SYT10: variants seen among roughly 807,000 people sequenced by gnomAD.
SYT10 encodes synaptotagmin 10, also known as synaptotagmin-10.
In SYT10, 31 loss-of-function variants were observed where a neutral mutation model predicts 51.1. That is an observed-to-expected ratio of 0.61 (90% CI 0.46 to 0.82). The LOEUF is 0.82. Among genes scored for constraint, SYT10 ranks in the 40% least tolerant of loss-of-function variants. SYT10 has a pLI of 0.00. For missense variants in SYT10, 603 were observed against 634.0 expected (o/e 0.95, Z 0.53); for synonymous variants, 233 against 225.9 (o/e 1.03, Z -0.28).
chr12:33,425,036 A>C (rs1158412833), intron 2 of SYT10, among the ~76,000 whole-genome samples: 1 of 152,120 alleles, frequency 6.6e-6, no homozygotes, highest in Non-Finnish European at 1.5e-5. Context: ...TAAGAAGTGG[A>C]TTTATTTGTA....
intron 1 of SYT10, among the ~76,000 whole-genome samples, chr12:33,430,579 T>C (rs186533868): frequency 2.4e-3 from 372 of 152,320 alleles, no homozygotes; most frequent in Admixed American, 4.5e-3. Flanking sequence ...TATTCTCCTC[T>C]GTGTCTATCT....
chr12:33,422,853 T>G (rs1409729295), intron 2 of SYT10, among the ~76,000 whole-genome samples: 1 of 152,138 alleles, frequency 6.6e-6, no homozygotes, highest in Non-Finnish European at 1.5e-5. Flanking sequence ...TGGTATTACA[T>G]GTATTGTCTC....
intron 3 of SYT10, among the ~76,000 whole-genome samples, chr12:33,390,738 A>C (rs1259640688): frequency 6.6e-6 from 1 of 152,186 alleles, no homozygotes. Flanking sequence ...ATGTTTACTG[A>C]GTGCATAAAA....
intron 1 of SYT10, among the ~76,000 whole-genome samples, chr12:33,434,987 C>T (rs1160320564): frequency 6.6e-6 from 1 of 151,918 alleles, no homozygotes; most frequent in Non-Finnish European, 1.5e-5. Flanking sequence ...ATCACATGTT[C>T]AAAATAGAAA....
At chr12:33,389,133 G>A (rs1234755541) in intron 3 of SYT10, among the ~76,000 whole-genome samples, 1 of 152,164 alleles carries the variant, frequency 6.6e-6, no homozygotes, top group Non-Finnish European at 1.5e-5. Flanking sequence ...AAAATGGTCA[G>A]TACGCATTGA....
At chr12:33,405,988 A>G (rs982164861) in intron 3 of SYT10, 1 of 152,032 alleles carries the variant, frequency 6.6e-6, no homozygotes, top group African/African-American at 2.4e-5. Context: ...CACTAAAACA[A>G]ATATAGAATG....
chr12:33,418,840 C>T (rs1866476795), intron 2 of SYT10, among the ~76,000 whole-genome samples: 1 of 152,268 alleles, frequency 6.6e-6, no homozygotes, highest in African/African-American at 2.4e-5. Context: ...GTGCCTTCCT[C>T]AATGTCTATT....
chr12:33,378,927 G>A (rs1205991258), intron 6 of SYT10, among the ~76,000 whole-genome samples: 3 of 151,610 alleles, frequency 2.0e-5, no homozygotes, highest in Non-Finnish European at 4.4e-5. Flanking sequence ...AAGACTTGAC[G>A]CATTCACATA....
intron 2 of SYT10, chr12:33,407,648 C>G (rs1280720537): frequency 9.7e-6 from 3 of 310,038 alleles, no homozygotes; most frequent in African/African-American, 6.6e-5. Flanking sequence ...TTCTGTCACC[C>G]TAGCTGGAGT....
At chr12:33,415,114 T>C (rs1866441927) in intron 2 of SYT10, among the ~76,000 whole-genome samples, 2 of 152,274 alleles carry the variant, frequency 1.3e-5, no homozygotes, top group African/African-American at 2.4e-5. Flanking sequence ...TGGACTAGAG[T>C]CTGCTACAGT....
At position 33,417,797 on chromosome 12, in the gene SYT10, TGAGGGTGTACACAA is replaced by T. The variant is rs372015668; in HGVS notation, c.509+8327_509+8340del. 1.9e-3 allele frequency among the ~76,000 whole-genome samples: 286 copies of T among 152,250 alleles called. 2 individuals are homozygous for T. The highest frequency in any genetic ancestry group is 6.6e-3 in the African/African-American group (274 of 41,546). On this transcript the variant is annotated intron_variant, in intron 2 of 6. Transcript: ENST00000228567. ...CAAAAATAAAAAGCAACAAGAGAAT[TGAGGGTGTACACAA>T]GAGAGTGGCTCTGATTGACCATGGA...
chr12:33,394,954 G>A (rs1346154351), intron 3 of SYT10, among the ~76,000 whole-genome samples: 3 of 152,174 alleles, frequency 2.0e-5, no homozygotes, highest in Admixed American at 6.5e-5. Flanking sequence ...CGGGCGTGGT[G>A]GTGGGTGCCT....
intron 1 of SYT10, among the ~76,000 whole-genome samples, chr12:33,434,886 A>G (rs1473304554): frequency 1.3e-5 from 2 of 152,246 alleles, no homozygotes; most frequent in Admixed American, 6.5e-5. Flanking sequence ...AGATAAAACA[A>G]TAAACAAGCC....
chr12:33,382,457 G>A lies in SYT10; in HGVS notation c.1262C>T (p.Thr421Ile). The change falls in exon 5 of 7, where the codon ACA becomes ATA. Residue 421 changes from threonine to isoleucine, a missense_variant. By Grantham distance (89) the Thr-to-Ile change is moderately conservative. Transcript: ENST00000228567. ...CACAGGGTTTAGAGTGTTTTTCTTT[G>A]TAGTTGTTTTCCTCTTTTTTAATCT... is the stretch of plus-strand genomic sequence containing the variant. The part of the protein sequence containing the change: ...GRRLKKRKTT[T>I]KKNTLNPVYN... 2 of 1,612,930 alleles carry A rather than the reference G, an allele frequency of 1.2e-6. No individual in the cohort carries two copies. Among genetic ancestry groups the A allele is most frequent in the Non-Finnish European group, 1.7e-6 (2 of 1,179,390 alleles).
At chr12:33,394,889 C>A (rs1404766164) in intron 3 of SYT10, among the ~76,000 whole-genome samples, 1 of 152,172 alleles carries the variant, frequency 6.6e-6, no homozygotes, top group Non-Finnish European at 1.5e-5. Flanking sequence ...AGATCAAGAC[C>A]ATCCTGGCTA....
chr12:33,380,473 T>G (rs1435281224), intron 5 of SYT10, among the ~76,000 whole-genome samples: 3 of 152,226 alleles, frequency 2.0e-5, no homozygotes, highest in South Asian at 2.1e-4. Flanking sequence ...TATGTTCAGT[T>G]GCATGGCATG....
chr12:33,413,548 T>A (rs10772077), intron 2 of SYT10, among the ~76,000 whole-genome samples: 108,834 of 152,000 alleles, frequency 0.72, 40,551 homozygotes, highest in East Asian at 0.95. Context: ...TAAAGAAAAG[T>A]ATTTTCAACT....
intron 3 of SYT10, among the ~76,000 whole-genome samples, chr12:33,395,538 A>G (rs1162900950): frequency 1.3e-5 from 2 of 152,228 alleles, no homozygotes; most frequent in African/African-American, 2.4e-5. Flanking sequence ...ATTAAAATAC[A>G]CCAGGACACA....
Position 33,374,773 on chromosome 12 carries a change from T to A in SYT10, c.*2057A>T, listed in dbSNP as rs963959850. 6.6e-6 allele frequency: 1 copy of A among 151,934 alleles called. No individual in the cohort carries two copies. The highest frequency in any genetic ancestry group is 2.4e-5 in the African/African-American group (1 of 41,410). 9.4% of individuals were successfully genotyped at this position (151,934 alleles called of 1,614,324 possible). On this transcript the variant is annotated 3_prime_UTR_variant, in exon 7 of 7. Transcript: ENST00000228567. ...TCTTCTGATTGGCCAATGGTTCACATTTTTTCATCACAAGCATTGGCTTTT... is the reference window on the plus strand; with the variant it reads ...TCTTCTGATTGGCCAATGGTTCACAATTTTTCATCACAAGCATTGGCTTTT...
Sources: gnomAD v4.1 joint callset for allele counts (sites outside exome capture counted in the v4.1 genomes callset) on GRCh38, gnomAD v4.1.1 for gene constraint, MANE v1.5 for transcripts, NCBI Gene and HGNC (gene_info 2026-07-23, HGNC 2026-07-21) for gene names.